MTUS2: variants seen among roughly 807,000 people sequenced by gnomAD.
MTUS2 encodes the protein microtubule-associated tumor suppressor candidate 2.
Under a neutral mutation model 114.1 loss-of-function variants are expected in MTUS2, and 40 were observed. The ratio of observed to expected loss-of-function variants is 0.35; its 90% CI spans 0.27 to 0.46. The LOEUF (loss-of-function observed/expected upper bound fraction) is 0.46. Ranked by LOEUF, MTUS2 falls within the 20% of genes least tolerant of loss-of-function variation. The probability of loss-of-function intolerance (pLI) is 1.00; values close to 1 mark genes in which losing one functional copy is unlikely to be tolerated. For synonymous variants in MTUS2, 688 were observed against 672.0 expected (o/e 1.02, Z -0.37); for missense variants, 1,679 against 1,705.4 (o/e 0.98, Z 0.27).
chr13:29,027,487 A>G (rs1185760904), intron 3 of MTUS2, among the ~76,000 whole-genome samples: 1 of 152,220 alleles, frequency 6.6e-6, no homozygotes, highest in African/African-American at 2.4e-5. Flanking sequence ...GTTAATCTTC[A>G]CTAATCCTTG....
At chr13:28,925,163 A>G (rs1165947942) in intron 2 of MTUS2, among the ~76,000 whole-genome samples, 1 of 152,108 alleles carries the variant, frequency 6.6e-6, no homozygotes, top group Non-Finnish European at 1.5e-5. Context: ...CATTTTACCT[A>G]GAATTGGAAT....
At chr13:29,232,301 C>T (rs1362878799) in intron 5 of MTUS2, among the ~76,000 whole-genome samples, 3 of 5,258 alleles carry the variant, frequency 5.7e-4, no homozygotes, top group Admixed American at 1.9e-3. Context: ...CACACACGCG[C>T]GCGCGCACAC....
chr13:29,269,036 A>G (rs1897778074), intron 5 of MTUS2, among the ~76,000 whole-genome samples: 1 of 152,230 alleles, frequency 6.6e-6, no homozygotes, highest in African/African-American at 2.4e-5. Context: ...CTACAAGAAT[A>G]TGAGCTCCAG....
intron 2 of MTUS2, among the ~76,000 whole-genome samples, chr13:28,997,697 A>T (rs1472627299): frequency 6.6e-6 from 1 of 152,002 alleles, no homozygotes; most frequent in Non-Finnish European, 1.5e-5. Flanking sequence ...GTTTTATCAG[A>T]GACTAGGATT....
intron 8 of MTUS2, among the ~76,000 whole-genome samples, chr13:29,432,953 A>G (rs1877118289): frequency 6.6e-6 from 1 of 152,344 alleles, no homozygotes; most frequent in South Asian, 2.1e-4. Context: ...TGGGAGGGTT[A>G]TTAGAGGAAG....
intron 1 of MTUS2, among the ~76,000 whole-genome samples, chr13:28,831,166 C>T (rs938860223): frequency 8.8e-5 from 12 of 136,394 alleles, no homozygotes; most frequent in South Asian, 4.5e-4. Context: ...GTAAAAGAAA[C>T]GGAATGAAAA....
chr13:29,088,058 C>CAAAA (rs57654117), intron 4 of MTUS2, among the ~76,000 whole-genome samples: 13 of 135,572 alleles, frequency 9.6e-5, no homozygotes, highest in African/African-American at 3.8e-4. Context: ...GACTCCGTCT[C>CAAAA]AAAAAAAAAA....
At chr13:29,352,676 A>C (rs1869393470) in intron 7 of MTUS2, among the ~76,000 whole-genome samples, 1 of 152,200 alleles carries the variant, frequency 6.6e-6, no homozygotes, top group African/African-American at 2.4e-5. Flanking sequence ...TCCATGAATC[A>C]GTGTTTTATT....
intron 2 of MTUS2, among the ~76,000 whole-genome samples, chr13:28,858,302 A>G (rs1394890160): frequency 6.6e-6 from 1 of 152,234 alleles, no homozygotes; most frequent in Non-Finnish European, 1.5e-5. Flanking sequence ...AATTAAACCC[A>G]TGTCTAAAGA....
At chr13:29,341,139 G>A (rs1158798395) in intron 7 of MTUS2, among the ~76,000 whole-genome samples, 1 of 152,200 alleles carries the variant, frequency 6.6e-6, no homozygotes, top group African/African-American at 2.4e-5. Context: ...TCTGTAAAAT[G>A]AATTCTTTTC....
At position 28,837,784 on chromosome 13, in the gene MTUS2, G is replaced by T. The variant is rs1027624529; in HGVS notation, c.-315-1994G>T. ...TTTCTTTTTTTTTCTGTTACAATTA[G>T]TACTATCACTGCCATCATTGGTACA... On this transcript the variant is annotated intron_variant, in intron 1 of 15. Coordinates refer to ENST00000612955, the MANE Select transcript of MTUS2 (RefSeq NM_001033602.4). Among the ~76,000 whole-genome samples the T allele has an allele frequency of 2.6e-5, 4 of 151,634 alleles. No individual in the cohort carries two copies. The East Asian group carries it at 5.8e-4, about 22-fold the overall frequency.
chr13:29,086,884 T>C (rs181791081), intron 4 of MTUS2, among the ~76,000 whole-genome samples: 1 of 152,240 alleles, frequency 6.6e-6, no homozygotes, highest in African/African-American at 2.4e-5. Context: ...GTGGCTATCA[T>C]GTTCTTGATT....
chr13:29,491,130 ATGTG>A (rs1178019533), intron 11 of MTUS2, among the ~76,000 whole-genome samples: 1 of 145,640 alleles, frequency 6.9e-6, no homozygotes, highest in Non-Finnish European at 1.5e-5. Context: ...GTGGGTGTGC[ATGTG>A]TGTGTATATG....
intron 5 of MTUS2, among the ~76,000 whole-genome samples, chr13:29,201,065 G>C (rs1894933794): frequency 6.6e-6 from 1 of 152,074 alleles, no homozygotes. Context: ...GAATATTCTT[G>C]TTAATTTTCT....
At chr13:29,108,491 T>C (rs1890757554) in intron 5 of MTUS2, among the ~76,000 whole-genome samples, 1 of 152,214 alleles carries the variant, frequency 6.6e-6, no homozygotes, top group South Asian at 2.1e-4. Flanking sequence ...GGCTGGCTTG[T>C]TTTATGAAGA....
chr13:28,954,091 A>G (rs1566248951), intron 2 of MTUS2, among the ~76,000 whole-genome samples: 1 of 152,380 alleles, frequency 6.6e-6, no homozygotes, highest in African/African-American at 2.4e-5. Context: ...TTAAAAGAGT[A>G]GTATATTTAA....
chr13:29,175,356 T>C (rs1197552698), intron 5 of MTUS2, among the ~76,000 whole-genome samples: 1 of 152,244 alleles, frequency 6.6e-6, no homozygotes, highest in Non-Finnish European at 1.5e-5. Flanking sequence ...GAAGGAGATT[T>C]GCTGTCTGTC....
At chr13:28,831,251 C>T (rs184605448) in intron 1 of MTUS2, among the ~76,000 whole-genome samples, 1 of 152,030 alleles carries the variant, frequency 6.6e-6, no homozygotes, top group Non-Finnish European at 1.5e-5. Context: ...AGACGTAACA[C>T]AACAAATAGC....
At chr13:29,428,642 T>G in intron 8 of MTUS2, 11 of 488,526 alleles carry the variant, frequency 2.3e-5, no homozygotes, top group Non-Finnish European at 3.0e-5. Flanking sequence ...TGATCGCTGC[T>G]GCCCTGCTCT....
Sources: allele counts gnomAD v4.1 joint callset (sites outside exome capture counted in the v4.1 genomes callset), GRCh38; gene constraint gnomAD v4.1.1; transcripts MANE v1.5; gene names NCBI Gene and HGNC (gene_info 2026-07-23, HGNC 2026-07-21).